Variants in CNTN3 observed in about 807,000 individuals in gnomAD.
CNTN3 encodes contactin-3.
A neutral mutation model predicts 119.1 loss-of-function variants in CNTN3; 60 were observed. The observed-to-expected ratio is 0.50, with a 90% CI of 0.41 to 0.62. The LOEUF (loss-of-function observed/expected upper bound fraction) is 0.62. Ranked by LOEUF, CNTN3 falls within the 20% of genes least tolerant of loss-of-function variation. The pLI, the probability that CNTN3 is intolerant of heterozygous loss-of-function variation, is 0.00. For missense variants in CNTN3, 1,101 were observed against 1,242.4 expected, an observed-to-expected ratio of 0.89 and a Z score of 1.71; for synonymous variants, 450 against 438.7, an observed-to-expected ratio of 1.03 and a Z score of -0.32.
At chr3:74,312,187 C>T (rs7626702) in intron 13 of CNTN3, among the ~76,000 whole-genome samples, 24,830 of 151,970 alleles carry the variant, frequency 0.16, 2,900 homozygotes, top group East Asian at 0.49. Context: ...GACGTGGTGG[C>T]TCACGCCTGT....
chr3:74,378,236 GTAGAAAAC>G (rs1704526234), intron 5 of CNTN3, among the ~76,000 whole-genome samples: 1 of 152,198 alleles, frequency 6.6e-6, no homozygotes, highest in Admixed American at 6.5e-5. Flanking sequence ...CTAAAACAAT[GTAGAAAAC>G]TAAGGATAAT....
intron 13 of CNTN3, among the ~76,000 whole-genome samples, chr3:74,332,870 T>A (rs1448311669): frequency 6.6e-6 from 1 of 152,186 alleles, no homozygotes; most frequent in Non-Finnish European, 1.5e-5. Flanking sequence ...TTTCCCAGAT[T>A]GGGTAAAGGG....
At chr3:74,366,294 T>C (rs1257015741) in intron 8 of CNTN3, among the ~76,000 whole-genome samples, 1 of 152,120 alleles carries the variant, frequency 6.6e-6, no homozygotes, top group Admixed American at 6.6e-5. Flanking sequence ...TTGAATCATG[T>C]GATTTTTTGC....
At chr3:74,396,732 G>A (rs1043320368) in intron 5 of CNTN3, among the ~76,000 whole-genome samples, 4 of 124,640 alleles carry the variant, frequency 3.2e-5, no homozygotes, top group South Asian at 2.8e-4. Context: ...GCGACAGAGC[G>A]AGATTCCGCC....
intron 13 of CNTN3, among the ~76,000 whole-genome samples, chr3:74,307,124 A>G (rs1702581040): frequency 6.6e-6 from 1 of 152,142 alleles, no homozygotes; most frequent in Non-Finnish European, 1.5e-5. Flanking sequence ...GACCTAAGGT[A>G]GGTAAGAACA....
At chr3:74,303,891 GTAAT>G (rs1283599745) in intron 13 of CNTN3, among the ~76,000 whole-genome samples, 2 of 152,106 alleles carry the variant, frequency 1.3e-5, no homozygotes, top group African/African-American at 4.8e-5. Flanking sequence ...AATATGACTT[GTAAT>G]AAGTCATATG....
intron 1 of CNTN3, among the ~76,000 whole-genome samples, chr3:74,552,205 G>A (rs1006046969): frequency 6.6e-6 from 1 of 152,082 alleles, no homozygotes; most frequent in Admixed American, 6.6e-5. Context: ...CCTACTGAAG[G>A]ATATCTTAAT....
At chr3:74,589,606 G>A (rs1314735130) in intron 1 of CNTN3, among the ~76,000 whole-genome samples, 10 of 143,088 alleles carry the variant, frequency 7.0e-5, no homozygotes, top group African/African-American at 2.7e-4. Context: ...CCCATTACTG[G>A]GTATATACCC....
Position 74,614,493 on chromosome 3 carries a change from C to T in CNTN3, c.-183G>A, listed in dbSNP as rs1705139912. 6.8e-6 allele frequency among the ~76,000 whole-genome samples: 1 copy of T among 146,434 alleles called. No homozygotes were observed. Among genetic ancestry groups the T allele is most frequent in the South Asian group, 2.1e-4 (1 of 4,784 alleles). On this transcript the variant is annotated 5_prime_UTR_variant, in exon 1 of 23. Transcript: ENST00000263665. ...GCCGCCGCCGCAGTTAGTCCGGGCC[C>T]GGGGGGCCGCCGTGCGCGCCCGCGT...
Position 74,578,210 on chromosome 3 carries a change from A to G in CNTN3, c.-81+36181T>C, listed in dbSNP as rs958908002. 3.3e-5 allele frequency among the ~76,000 whole-genome samples: 5 copies of G among 152,052 alleles called. No individual in the cohort carries two copies. In the South Asian group the frequency reaches 1.0e-3, roughly 31 times the overall value. On this transcript the variant is annotated intron_variant, in intron 1 of 22. Transcript: ENST00000263665. ...ATAACCCCTCAACCAGACTCTGGTT[A>G]TAAGATGTTTTTTTAAGCTGAAACT...
At position 74,302,683 on chromosome 3, in the gene CNTN3, G is replaced by GT; in HGVS notation, c.1786+6dup. On this transcript the variant is annotated splice_region_variant and intron_variant, in intron 14 of 22. Coordinates refer to ENST00000263665, the MANE Select transcript of CNTN3 (RefSeq NM_020872.3). ...GTGACAAACTCAAGGGGGCATAAAT[G>GT]TTTTACCTCTTACTATGAGGTCAGC... 1 of 1,563,594 alleles carries GT rather than the reference G, an allele frequency of 6.4e-7. No homozygotes were observed. The highest frequency in any genetic ancestry group is 8.8e-7 in the Non-Finnish European group (1 of 1,135,240).
chr3:74,452,996 G>T (rs1483109539), intron 4 of CNTN3, among the ~76,000 whole-genome samples: 3 of 151,502 alleles, frequency 2.0e-5, no homozygotes, highest in African/African-American at 7.3e-5. Context: ...TTGTGTCTCT[G>T]CCCAGCTTTG....
At chr3:74,580,118 G>A (rs746482028) in intron 1 of CNTN3, among the ~76,000 whole-genome samples, 1 of 151,986 alleles carries the variant, frequency 6.6e-6, no homozygotes, top group Non-Finnish European at 1.5e-5. Flanking sequence ...ATACATTATC[G>A]GTATAAACCA....
intron 13 of CNTN3, among the ~76,000 whole-genome samples, chr3:74,313,317 C>G (rs1702745624): frequency 6.6e-6 from 1 of 151,966 alleles, no homozygotes; most frequent in African/African-American, 2.4e-5. Flanking sequence ...AATCACAGAT[C>G]TAGGGAGCAC....
intron 12 of CNTN3, among the ~76,000 whole-genome samples, chr3:74,335,482 T>C (rs969870074): frequency 1.3e-5 from 2 of 152,106 alleles, no homozygotes; most frequent in African/African-American, 2.4e-5. Context: ...CTTCCATTTG[T>C]CTATCATGAA....
intron 1 of CNTN3, among the ~76,000 whole-genome samples, chr3:74,609,169 G>A (rs116475825): frequency 0.014 from 2,076 of 152,248 alleles, 18 homozygotes; most frequent in Middle Eastern, 0.031. Flanking sequence ...TATTATAGCT[G>A]GAGTGTTAAG....
chr3:74,298,219 C>A (rs1702381006), intron 17 of CNTN3, 28 bp from the exon 18 acceptor site: 3 of 1,463,146 alleles, frequency 2.1e-6, no homozygotes, highest in Non-Finnish European at 2.8e-6. Flanking sequence ...ACTGAATCAC[C>A]CTTACACATA....
chr3:74,390,850 G>A (rs2106828045), intron 5 of CNTN3, among the ~76,000 whole-genome samples: 1 of 152,286 alleles, frequency 6.6e-6, no homozygotes, highest in East Asian at 1.9e-4. Flanking sequence ...TCAGAATTAT[G>A]ATACAGAGGT....
chr3:74,461,318 T>C (rs1702363316), intron 4 of CNTN3, among the ~76,000 whole-genome samples: 1 of 152,062 alleles, frequency 6.6e-6, no homozygotes, highest in African/African-American at 2.4e-5. Flanking sequence ...GTTCATGCCA[T>C]TTATCTATTG....
Sources: gnomAD v4.1 joint callset for allele counts (sites outside exome capture counted in the v4.1 genomes callset) on GRCh38, gnomAD v4.1.1 for gene constraint, MANE v1.5 for transcripts, NCBI Gene and HGNC (gene_info 2026-07-23, HGNC 2026-07-21) for gene names.